Variants in TPR observed in about 807,000 individuals in gnomAD.
The protein encoded by TPR is translocated promoter region, nuclear basket protein.
In TPR, 51 loss-of-function variants were observed where a neutral mutation model predicts 316.1. That is an observed-to-expected ratio of 0.16 (90% CI 0.13 to 0.20). TPR has a LOEUF of 0.20. TPR is among the 10% of genes least tolerant of loss of function. The pLI is 1.00. For synonymous variants in TPR, 981 were observed against 914.7 expected, an observed-to-expected ratio of 1.07 and a Z score of -1.31; for missense variants, 2,272 against 2,754.8, an observed-to-expected ratio of 0.82 and a Z score of 3.92.
rs369293508 is a variant in TPR at position 186,362,847 on chromosome 1, T to C, written c.686A>G (p.Lys229Arg). 3.2e-6 allele frequency: 5 copies of C among 1,583,958 alleles called. No individual in the cohort carries two copies. In the African/African-American group the frequency reaches 5.5e-5, roughly 17 times the overall value. Reference sequence around the variant, plus strand: ...ATTTTACTAACTTACCTCTTCTTTTTTATTTTCAAGATTACATTTAAGCTC... The same window carrying C: ...ATTTTACTAACTTACCTCTTCTTTTCTATTTTCAAGATTACATTTAAGCTC... The part of the protein sequence containing the change: ...ILELKCNLEN[K>R]KEEVSRLEEQ... The change falls in exon 6 of 51, where the codon AAA becomes AGA. Residue 229 changes from lysine (K) to arginine (R), a missense_variant. By Grantham distance (26) the Lys-to-Arg change is conservative. Around this residue, in one of 10 missense-constraint regions of TPR, gnomAD observed 549 missense variants for 598.6 expected, o/e 0.92. Coordinates refer to ENST00000367478, the MANE Select transcript of TPR (RefSeq NM_003292.3).
At chr1:186,374,776 G>C (rs1017747374) in intron 1 of TPR, 102 bp downstream of exon 1, 20 of 1,253,576 alleles carry the variant, frequency 1.6e-5, no homozygotes, top group Non-Finnish European at 2.2e-5. Flanking sequence ...CAGGAAGTGA[G>C]GTTAACAGAG....
At chr1:186,351,192 G>A (rs527592702) in intron 20 of TPR, 138 bp downstream of exon 20, 2 of 938,502 alleles carry the variant, frequency 2.1e-6, no homozygotes, top group South Asian at 5.0e-5. Context: ...AAATTACTGG[G>A]TATAGAGTGA....
chr1:186,336,616 G>C lies in TPR; in HGVS notation c.4585C>G (p.Arg1529Gly). The change falls in exon 33 of 51, where the codon CGT (arginine) becomes GGT (glycine). Residue 1529 changes from arginine (R) to glycine (G), a missense_variant. By Grantham distance (125) the Arg-to-Gly change is moderately radical (BLOSUM62 -2). This residue lies in a region of TPR where 101 missense variants were observed against 113.0 expected (regional missense o/e 0.89). Transcript: ENST00000367478. ...VQLQSELSRL[R>G]QDLQDRTTQE... Reference sequence around the variant, plus strand: ...GTGGTTCTATCTTGAAGATCCTGACGAAGTCGTGAAAGTTCAGACTGAAGT... The same window carrying C: ...GTGGTTCTATCTTGAAGATCCTGACCAAGTCGTGAAAGTTCAGACTGAAGT... 6.2e-7 allele frequency: 1 copy of C among 1,613,820 alleles called. No homozygotes were observed. Among genetic ancestry groups the C allele is most frequent in the Non-Finnish European group, 8.5e-7 (1 of 1,179,884 alleles).
intron 23 of TPR, among the ~76,000 whole-genome samples, 169 bp downstream of exon 23, chr1:186,345,966 C>T (rs776812826): frequency 4.2e-4 from 64 of 151,942 alleles, no homozygotes; most frequent in Non-Finnish European, 5.7e-4. Flanking sequence ...AAAATTTCAA[C>T]GGGAAATGTA....
Position 186,363,333 on chromosome 1 carries a change from G to T in TPR, c.531+9C>A. ...ATAGTTTATGCATTAGGAATCATCT[G>T]GTACTTGCCTTAACAGAAACATCAG... is the stretch of plus-strand genomic sequence containing the variant. On this transcript the variant is annotated intron_variant, in intron 5 of 50. Transcript: ENST00000367478. 1 of 1,598,110 alleles carries T rather than the reference G, an allele frequency of 6.3e-7. No homozygotes were observed. Among genetic ancestry groups the T allele is most frequent in the South Asian group, 1.1e-5 (1 of 90,360 alleles).
chr1:186,322,253 A>G, intron 45 of TPR, 65 bp downstream of exon 45: 1 of 1,447,754 alleles, frequency 6.9e-7, no homozygotes, highest in South Asian at 1.3e-5. Context: ...AATGATAAAC[A>G]AACTAACAGA....
intron 40 of TPR, 50 bp from the exon 41 acceptor site, chr1:186,326,285 A>G (rs1490599498): frequency 2.6e-6 from 4 of 1,552,972 alleles, no homozygotes; most frequent in Admixed American, 1.9e-5. Flanking sequence ...TATGGCCCAC[A>G]TGCTCTGCAT....
chr1:186,364,087 G>T (rs1330958037), intron 4 of TPR, among the ~76,000 whole-genome samples: 2 of 152,060 alleles, frequency 1.3e-5, no homozygotes, highest in African/African-American at 4.8e-5. Context: ...GTAATCTTTT[G>T]AAGTTTTTGC....
At chr1:186,314,787 A>G (rs1657544048) in intron 49 of TPR, 63 bp from the exon 50 acceptor site, 1 of 1,021,440 alleles carries the variant, frequency 9.8e-7, no homozygotes, top group Non-Finnish European at 1.5e-6. Flanking sequence ...TTATAATGAT[A>G]CAAACTAATT....
At chr1:186,315,696 C>T (rs948840567) in intron 49 of TPR, among the ~76,000 whole-genome samples, 14 of 151,668 alleles carry the variant, frequency 9.2e-5, no homozygotes, top group African/African-American at 2.7e-4. Flanking sequence ...TCCATGACAG[C>T]CAAGGCAATT....
chr1:186,330,878 T>C (rs980455127), intron 39 of TPR, among the ~76,000 whole-genome samples: 2 of 152,118 alleles, frequency 1.3e-5, no homozygotes, highest in African/African-American at 4.8e-5. Flanking sequence ...ATGTGGCAGG[T>C]ACTACTTTAG....
chr1:186,361,911 A>C, intron 7 of TPR, 42 bp from the exon 8 acceptor site: 1 of 1,574,502 alleles, frequency 6.4e-7, no homozygotes, highest in Non-Finnish European at 8.7e-7. Flanking sequence ...CTTTGAACTA[A>C]ATTTAGAATG....
At chr1:186,351,674 C>T (rs957124427) in intron 19 of TPR, among the ~76,000 whole-genome samples, 12 of 152,002 alleles carry the variant, frequency 7.9e-5, no homozygotes, top group Non-Finnish European at 1.6e-4. Flanking sequence ...GTATTATAAT[C>T]GTCATTCAGA....
chr1:186,340,990 G>T, intron 29 of TPR, 38 bp downstream of exon 29: 2 of 1,589,440 alleles, frequency 1.3e-6, no homozygotes, highest in Admixed American at 1.9e-5. Context: ...TTAAAAACAC[G>T]TGTTTCCATG....
rs769312247 is a variant in TPR, at chr1:186,343,390, T to A, written c.3686A>T (p.Glu1229Val). ...TTCCTGCAGCTCTCTTTCTAAAAGT[T>A]CAACCCTTTGTCGATAACGCAGACT... ...VESLRYRQRV[E>V]LLERELQELQ... The change falls in exon 27 of 51, where the codon GAA (glutamate) becomes GTA (valine). Residue 1229 changes from glutamate to valine, a missense_variant. Physicochemically the swap from Glu to Val is moderately radical, Grantham distance 121. Transcript: ENST00000367478. 2 of 1,614,144 alleles carry A rather than the reference T, an allele frequency of 1.2e-6. No individual in the cohort carries two copies. The highest frequency in any genetic ancestry group is 2.7e-5 in the African/African-American group (2 of 75,064).
Position 186,341,022 on chromosome 1 carries a change from AT to A in TPR, c.4020+5del. On this transcript the variant is annotated splice_donor_5th_base_variant and intron_variant, in intron 29 of 50. Coordinates refer to ENST00000367478, the MANE Select transcript of TPR (RefSeq NM_003292.3). ...CATGTTTTGGAAGAGTTTTAACTGCATTTACCTGGTTACGTGCTTTCCAACG... is the reference window on the plus strand; with the variant it reads ...CATGTTTTGGAAGAGTTTTAACTGCATTACCTGGTTACGTGCTTTCCAACG... 2 of 1,611,494 alleles carry A rather than the reference AT, an allele frequency of 1.2e-6. No individual in the cohort carries two copies. Among genetic ancestry groups the A allele is most frequent in the Non-Finnish European group, 1.7e-6 (2 of 1,179,442 alleles).
intron 5 of TPR, 118 bp downstream of exon 5, chr1:186,363,216 TTTCTGACA>T: frequency 2.0e-6 from 2 of 1,013,144 alleles, no homozygotes; most frequent in Non-Finnish European, 2.9e-6. Flanking sequence ...AATGCTTAAT[TTTCTGACA>T]TTAAAAACAA....
Position 186,327,551 on chromosome 1 carries a change from G to A in TPR, c.5798C>T (p.Ser1933Phe), listed in dbSNP as rs1244565890. The part of the protein sequence containing the change: ...LQSDQQTTTS[S>F]QDGQGKGDDV... ...ATCTCCTTTGCCTTGACCATCCTGG[G>A]ATGAAGTTGTCGTCTGCTGATCTGA... Residue 1933 changes from serine to phenylalanine, a missense_variant, in exon 40 of 51, where the codon TCC becomes TTC. Ser to Phe is a radical substitution (Grantham distance 155). This residue lies in a region of TPR where 435 missense variants were observed against 461.1 expected (regional missense o/e 0.94). Coordinates refer to ENST00000367478, the MANE Select transcript of TPR (RefSeq NM_003292.3). The A allele has an allele frequency of 5.0e-6, 8 of 1,611,898 alleles. No homozygotes were observed. Among genetic ancestry groups the A allele is most frequent in the African/African-American group, 2.7e-5 (2 of 74,382 alleles).
chr1:186,352,743 T>G (rs1015947528), intron 18 of TPR, among the ~76,000 whole-genome samples: 3 of 152,170 alleles, frequency 2.0e-5, no homozygotes, highest in Non-Finnish European at 2.9e-5. Context: ...GAATACAGCC[T>G]TATAAGAGCA....
Sources: gnomAD v4.1 joint callset for allele counts (sites outside exome capture counted in the v4.1 genomes callset) on GRCh38, gnomAD v4.1.1 for gene constraint, gnomAD v4.1.1 regional missense constraint, MANE v1.5 for transcripts, NCBI Gene and HGNC (gene_info 2026-07-23, HGNC 2026-07-21) for gene names.